The following CARMIL2 variants were observed in gnomAD, a reference collection of about 807,000 sequenced individuals.
CARMIL2 encodes capping protein regulator and myosin 1 linker 2, also known as capping protein, Arp2/3 and myosin-I linker protein 2.
In CARMIL2, 96 loss-of-function variants were observed where a neutral mutation model predicts 173.3. That is an observed-to-expected ratio of 0.55 (90% CI 0.47 to 0.66). The LOEUF (loss-of-function observed/expected upper bound fraction) is 0.66, where lower values mean the gene tolerates loss of function less well. Ranked by LOEUF, CARMIL2 falls within the 30% of genes least tolerant of loss-of-function variation. The pLI is 0.00. For synonymous variants in CARMIL2, 830 were observed against 817.1 expected (o/e 1.02, Z -0.27); for missense variants, 1,771 against 1,906.7 (o/e 0.93, Z 1.33).
chr16:67,651,759 G>T lies in CARMIL2; in HGVS notation c.2502G>T (p.Glu834Asp). ...TGCTGCAGGGATCCAGCTGGAGGGAGCAGCTAGAGGGGGTCCTGGCAGGCT... is the reference window on the plus strand; with the variant it reads ...TGCTGCAGGGATCCAGCTGGAGGGATCAGCTAGAGGGGGTCCTGGCAGGCT... ...PQMLQGSSWREQLEGVLAGSR... is the reference protein window; with the variant it reads ...PQMLQGSSWRDQLEGVLAGSR... Residue 834 changes from glutamate (E) to aspartate (D), a missense_variant, in exon 25 of 38, where the codon GAG becomes GAT. By Grantham distance (45) the Glu-to-Asp change is conservative. Around this residue, in one of 3 missense-constraint regions of CARMIL2, gnomAD observed 817 missense variants for 903.5 expected, o/e 0.90. Transcript: ENST00000334583. The surrounding 1 kb of genome is among the most constrained non-coding windows in gnomAD (Gnocchi z 4.2). 5 of 1,606,362 alleles carry T rather than the reference G, an allele frequency of 3.1e-6. No homozygotes were observed. The highest frequency in any genetic ancestry group is 4.2e-6 in the Non-Finnish European group (5 of 1,177,074).
chr16:67,655,084 C>G (rs1214481732), intron 32 of CARMIL2, among the ~76,000 whole-genome samples, 184 bp downstream of exon 32: 1 of 152,254 alleles, frequency 6.6e-6, no homozygotes, highest in Non-Finnish European at 1.5e-5. Flanking sequence ...CACAGGCCAC[C>G]AGCATCTCCT....
rs777369520 is a variant in CARMIL2 at position 67,652,156 on chromosome 16, G to T, written c.2677-43G>T. Reference sequence around the variant, plus strand: ...CCTTAGTTAGCATCAATGGGATCATGGCTGAGGCCCTACCTGCCATCTTTG... The same window carrying T: ...CCTTAGTTAGCATCAATGGGATCATTGCTGAGGCCCTACCTGCCATCTTTG... On this transcript the variant is annotated intron_variant, in intron 26 of 37. Transcript: ENST00000334583. The surrounding 1 kb of genome is among the most constrained non-coding windows in gnomAD (Gnocchi z 4.7). The T allele has an allele frequency of 5.0e-6, 8 of 1,605,338 alleles. No homozygotes were observed. The highest frequency in any genetic ancestry group is 5.9e-6 in the Non-Finnish European group (7 of 1,176,584).
chr16:67,650,415 C>A, intron 22 of CARMIL2: 2 of 545,294 alleles, frequency 3.7e-6, no homozygotes, highest in Non-Finnish European at 6.6e-6. Context: ...TCAATTTTCC[C>A]CCAATTGTAG....
In CARMIL2 at chr16:67,654,744, G is replaced by A. The variant is rs375782620; in HGVS notation, c.3583-34G>A. On this transcript the variant is annotated intron_variant, in intron 31 of 37. Transcript: ENST00000334583. ...AAGGCGCTTCTGGGACCCAGGGCGC[G>A]GACTGTCTCCAACTCGAGCATCTCT... 2.0e-5 allele frequency: 32 copies of A among 1,611,682 alleles called. No homozygotes were observed. In the African/African-American group the frequency reaches 2.0e-4, roughly 10 times the overall value.
At chr16:67,656,989 A>G (rs988613027) in intron 36 of CARMIL2, 108 bp downstream of exon 36, 3 of 929,912 alleles carry the variant, frequency 3.2e-6, no homozygotes, top group Non-Finnish European at 4.8e-6. Flanking sequence ...CCAGTGTGTG[A>G]GGTCTCAAGA....
In CARMIL2 at chr16:67,649,174, T is replaced by A; in HGVS notation, c.1688+2T>A. On this transcript the variant is annotated splice_donor_variant, in intron 18 of 37. Coordinates refer to ENST00000334583, the MANE Select transcript of CARMIL2 (RefSeq NM_001013838.3). LOFTEE classifies it high-confidence loss of function. This position sits in a 1 kb window ranked among gnomAD's most constrained non-coding sequence, Gnocchi z 6.7. ...AAGGAACTTCAACGTCCGGTGCAAG[T>A]GAGCCCCCACCCTACTCCTGGGCCT... is the stretch of plus-strand genomic sequence containing the variant. 6.2e-7 allele frequency: 1 copy of A among 1,613,268 alleles called. No homozygotes were observed. The highest frequency in any genetic ancestry group is 8.5e-7 in the Non-Finnish European group (1 of 1,179,662).
chr16:67,650,044 C>G lies in CARMIL2; in HGVS notation c.2083-5C>G. The G allele has an allele frequency of 6.2e-7, 1 of 1,613,788 alleles. No homozygotes were observed. The stretch of plus-strand genomic sequence containing the variant: ...TCGGCATTTCTCAATACCCCTTGCC[C>G]CTAGATCCAAGCCTGTCTCTTGAGG... On this transcript the variant is annotated splice_region_variant and splice_polypyrimidine_tract_variant and intron_variant, in intron 21 of 37. Transcript: ENST00000334583.
In CARMIL2 at chr16:67,645,690, G is replaced by C. The variant is rs1175078398; in HGVS notation, c.133-34G>C. On this transcript the variant is annotated intron_variant, in intron 2 of 37. Coordinates refer to ENST00000334583, the MANE Select transcript of CARMIL2 (RefSeq NM_001013838.3). ...TGTGGCCCCACAGAAAGAGCCTCTT[G>C]CTCTGCCCAGGATATCAGACTGTCT... 1.9e-6 allele frequency: 3 copies of C among 1,613,330 alleles called. No homozygotes were observed. In the African/African-American group the frequency reaches 4.0e-5, roughly 22 times the overall value.
rs2142923924 is a variant in CARMIL2 at position 67,649,217 on chromosome 16, C to T, written c.1689-37C>T. The T allele has an allele frequency of 6.2e-7, 1 of 1,613,074 alleles. No individual in the cohort carries two copies. The highest frequency in any genetic ancestry group is 8.5e-7 in the Non-Finnish European group (1 of 1,179,450). On this transcript the variant is annotated intron_variant, in intron 18 of 37. Transcript: ENST00000334583. This position sits in a 1 kb window ranked among gnomAD's most constrained non-coding sequence, Gnocchi z 6.7. ...CTGGGCCTCCCAGACAACACCCCAC[C>T]ACCCCTGTCCCCCACAACTGCGGCC... is the stretch of plus-strand genomic sequence containing the variant.
intron 36 of CARMIL2, 71 bp downstream of exon 36, chr16:67,656,952 C>T (rs934488033): frequency 2.7e-5 from 34 of 1,280,582 alleles, no homozygotes; most frequent in African/African-American, 1.2e-4. Context: ...GGGCTCCCTT[C>T]ATAGCTTTGG....
In CARMIL2 at chr16:67,653,336, C is replaced by A; in HGVS notation, c.3120+82C>A. ...GCCGCTCCTCATGGGTGGTAGCGGT[C>A]AAGGAGAGGGGGTGGTGGGGGCCCA... On this transcript the variant is annotated intron_variant, in intron 29 of 37. Coordinates refer to ENST00000334583, the MANE Select transcript of CARMIL2 (RefSeq NM_001013838.3). The surrounding 1 kb of genome is among the most constrained non-coding windows in gnomAD (Gnocchi z 7.4). 1.5e-6 allele frequency: 1 copy of A among 676,182 alleles called. No homozygotes were observed. The highest frequency in any genetic ancestry group is 1.9e-6 in the Non-Finnish European group (1 of 525,114). 41.9% of individuals were successfully genotyped at this position (676,182 alleles called of 1,614,324 possible).
Position 67,653,189 on chromosome 16 carries a change from C to G in CARMIL2, c.3055C>G (p.Pro1019Ala), listed in dbSNP as rs2052763420. The G allele has an allele frequency of 7.1e-6, 8 of 1,120,098 alleles. No individual in the cohort carries two copies. The highest frequency in any genetic ancestry group is 7.6e-6 in the Non-Finnish European group (7 of 916,342). 69.4% of individuals were successfully genotyped at this position (1,120,098 alleles called of 1,614,324 possible). ...ACTGGCGGGGCAGCCCCTGCGCCATCCGACCCGGGCCCGGCCGCGGCCGCG... is the reference window on the plus strand; with the variant it reads ...ACTGGCGGGGCAGCCCCTGCGCCATGCGACCCGGGCCCGGCCGCGGCCGCG... ...LPLAGQPLRH[P>A]TRARPRPRRQ... is the part of the protein sequence containing the mutation. The change falls in exon 29 of 38, where the codon CCG becomes GCG. Residue 1019 changes from proline to alanine, a missense_variant. Around this residue, in one of 3 missense-constraint regions of CARMIL2, gnomAD observed 817 missense variants for 903.5 expected, o/e 0.90. Coordinates refer to ENST00000334583, the MANE Select transcript of CARMIL2 (RefSeq NM_001013838.3). This position sits in a 1 kb window ranked among gnomAD's most constrained non-coding sequence, Gnocchi z 7.4.
In CARMIL2 at chr16:67,646,853, G is replaced by C. The variant is rs773597610; in HGVS notation, c.538-47G>C. Reference sequence around the variant, plus strand: ...CCCCATGTGTGCTGAGCCCCTCCCTGCCCCTTGTGGCCCCAGGCGAACTGT... The same window carrying C: ...CCCCATGTGTGCTGAGCCCCTCCCTCCCCCTTGTGGCCCCAGGCGAACTGT... On this transcript the variant is annotated intron_variant, in intron 7 of 37. Transcript: ENST00000334583. This position sits in a 1 kb window ranked among gnomAD's most constrained non-coding sequence, Gnocchi z 4.6. The C allele has an allele frequency of 2.0e-5, 33 of 1,612,542 alleles. No homozygotes were observed. Among genetic ancestry groups the C allele is most frequent in the Non-Finnish European group, 2.8e-5 (33 of 1,178,786 alleles).
At position 67,654,532 on chromosome 16, in the gene CARMIL2, G is replaced by C; in HGVS notation, c.3422G>C (p.Arg1141Pro). 1 of 1,611,748 alleles carries C rather than the reference G, an allele frequency of 6.2e-7. No individual in the cohort carries two copies. The highest frequency in any genetic ancestry group is 8.5e-7 in the Non-Finnish European group (1 of 1,179,344). The change falls in exon 31 of 38, where the codon CGT becomes CCT. Residue 1141 changes from arginine to proline, a missense_variant. Coordinates refer to ENST00000334583, the MANE Select transcript of CARMIL2 (RefSeq NM_001013838.3). ...GGCGACCTACTGCGGCCGCCAACCCGTCCCAGCCGTGGTGAGGAGCTTGGT... is the reference window on the plus strand; with the variant it reads ...GGCGACCTACTGCGGCCGCCAACCCCTCCCAGCCGTGGTGAGGAGCTTGGT... ...TFGDLLRPPT[R>P]PSRGEELGGA...
In CARMIL2 at chr16:67,647,969, G is replaced by A. The variant is rs771063111; in HGVS notation, c.1071+11G>A. ...TCCGAGGACAGTGGGGTGAGTGGCT[G>A]TCTTCAGGGTGGGAGCTTGGGGTTG... On this transcript the variant is annotated intron_variant, in intron 13 of 37. Coordinates refer to ENST00000334583, the MANE Select transcript of CARMIL2 (RefSeq NM_001013838.3). 2 of 1,605,014 alleles carry A rather than the reference G, an allele frequency of 1.2e-6. No individual in the cohort carries two copies. Among genetic ancestry groups the A allele is most frequent in the South Asian group, 1.1e-5 (1 of 89,384 alleles).
In CARMIL2 at chr16:67,646,663, T is replaced by TGA; in HGVS notation, c.467-50_467-49dup. 1 of 1,598,266 alleles carries TGA rather than the reference T, an allele frequency of 6.3e-7. No individual in the cohort carries two copies. Among genetic ancestry groups the TGA allele is most frequent in the Non-Finnish European group, 8.6e-7 (1 of 1,165,864 alleles). On this transcript the variant is annotated intron_variant, in intron 6 of 37. Coordinates refer to ENST00000334583, the MANE Select transcript of CARMIL2 (RefSeq NM_001013838.3). This position sits in a 1 kb window ranked among gnomAD's most constrained non-coding sequence, Gnocchi z 4.6. The stretch of plus-strand genomic sequence containing the variant: ...TGTGGGTCTGGTCTTCCTCCATCGC[T>TGA]GATGTTTTGTCTCTCTCCTTTTCCA...
rs1333360442 is a variant in CARMIL2, at chr16:67,648,752, G to A, written c.1507G>A (p.Glu503Lys). Residue 503 changes from glutamate to lysine, a missense_variant and splice_region_variant, in exon 16 of 38, where the codon GAG becomes AAG. Around this residue, in one of 3 missense-constraint regions of CARMIL2, gnomAD observed 944 missense variants for 975.6 expected, o/e 0.97. Coordinates refer to ENST00000334583, the MANE Select transcript of CARMIL2 (RefSeq NM_001013838.3). The surrounding 1 kb of genome is among the most constrained non-coding windows in gnomAD (Gnocchi z 6.1). ...RDLHLDLSAC[E>K]LRSAGAQVIQ... ...CCTGCACCTGGACCTCAGCGCTTGC[G>A]AGGTGAGCGCCGGCCCCCAGAAGAG... is the stretch of plus-strand genomic sequence containing the variant. The A allele has an allele frequency of 6.2e-7, 1 of 1,601,732 alleles. No homozygotes were observed. The highest frequency in any genetic ancestry group is 1.1e-5 in the South Asian group (1 of 88,902).
chr16:67,648,997 C>A lies in CARMIL2; in HGVS notation c.1591+23C>A. The A allele has an allele frequency of 1.2e-6, 2 of 1,604,068 alleles. No homozygotes were observed. The highest frequency in any genetic ancestry group is 1.1e-5 in the South Asian group (1 of 89,292). Reference sequence around the variant, plus strand: ...ACGGTGAGGCTGCAGGAGAGCCCATCCTCGCATCATCCACTCGATTCCCAA... The same window carrying A: ...ACGGTGAGGCTGCAGGAGAGCCCATACTCGCATCATCCACTCGATTCCCAA... On this transcript the variant is annotated intron_variant, in intron 17 of 37. Coordinates refer to ENST00000334583, the MANE Select transcript of CARMIL2 (RefSeq NM_001013838.3). This position sits in a 1 kb window ranked among gnomAD's most constrained non-coding sequence, Gnocchi z 6.1.
Position 67,657,210 on chromosome 16 carries a change from C to G in CARMIL2, c.4118-29C>G, listed in dbSNP as rs774972403. 2.5e-6 allele frequency: 4 copies of G among 1,606,300 alleles called. No homozygotes were observed. Among genetic ancestry groups the G allele is most frequent in the Non-Finnish European group, 3.4e-6 (4 of 1,174,774 alleles). ...ATGGACAGACCCCAAGCCTTAGCAA[C>G]CCACCCCAAGCCTTTCTGTGTCCCT... On this transcript the variant is annotated intron_variant, in intron 36 of 37. Transcript: ENST00000334583. The surrounding 1 kb of genome is among the most constrained non-coding windows in gnomAD (Gnocchi z 4.5).
Sources: allele counts gnomAD v4.1 joint callset (sites outside exome capture counted in the v4.1 genomes callset), GRCh38; gene constraint gnomAD v4.1.1; regional missense constraint gnomAD v4.1.1; non-coding constraint Gnocchi (gnomAD v3.1); transcripts MANE v1.5; gene names NCBI Gene and HGNC (gene_info 2026-07-23, HGNC 2026-07-21).